The following PAK2 variants were observed in gnomAD, a reference collection of about 807,000 sequenced individuals.
PAK2 encodes the protein p21 (RAC1) activated kinase 2.
PAK2 carries 21 observed loss-of-function variants against 65.9 expected under a neutral mutation model. The observed-to-expected ratio is 0.32, with a 90% confidence interval of 0.23 to 0.46. The LOEUF is 0.46. PAK2 is among the 20% of genes least tolerant of loss of function. The pLI, the probability that PAK2 is intolerant of heterozygous loss-of-function variation, is 1.00. For missense variants in PAK2, 324 were observed against 642.6 expected (o/e 0.50, Z 5.36); for synonymous variants, 204 against 219.7 (o/e 0.93, Z 0.63).
chr3:196,819,388 G>A (rs565382471), intron 12 of PAK2, among the ~76,000 whole-genome samples: 46 of 152,270 alleles, frequency 3.0e-4, no homozygotes, highest in African/African-American at 1.0e-3. Context: ...GTTGCCGTGA[G>A]CCGAAATTGC....
In PAK2 at chr3:196,807,926, ACATTTTACAT is replaced by A. The variant is rs1560111883; in HGVS notation, c.709+17_709+26del. On this transcript the variant is annotated intron_variant, in intron 7 of 14. Transcript: ENST00000327134. Reference sequence around the variant, plus strand: ...TATGGAGAAATTAAGTATGTTATCTACATTTTACATCATTGTTAAATTGTTCACGGCTCTT... The same window carrying A: ...TATGGAGAAATTAAGTATGTTATCTACATTGTTAAATTGTTCACGGCTCTT... The A allele has an allele frequency of 6.3e-7, 1 of 1,585,794 alleles. No individual in the cohort carries two copies. The highest frequency in any genetic ancestry group is 8.6e-7 in the Non-Finnish European group (1 of 1,157,040).
At chr3:196,776,364 G>C (rs571649260) in intron 1 of PAK2, among the ~76,000 whole-genome samples, 1 of 152,300 alleles carries the variant, frequency 6.6e-6, no homozygotes, top group African/African-American at 2.4e-5. Context: ...CGTTGTCTTG[G>C]AGATAACCAC....
rs1456873004 is a variant in PAK2, at chr3:196,820,216, A to G, written c.1154-155A>G. Among the ~76,000 whole-genome samples the G allele has an allele frequency of 6.6e-6, 1 of 152,214 alleles. No homozygotes were observed. Among genetic ancestry groups the G allele is most frequent in the East Asian group, 1.9e-4 (1 of 5,204 alleles). On this transcript the variant is annotated intron_variant, in intron 12 of 14. Transcript: ENST00000327134. This position sits in a 1 kb window ranked among gnomAD's most constrained non-coding sequence, Gnocchi z 4.6. ...TGTGAGAGTGTGTTACATCATGAAAATATTTTTAAACTCATTCTGGTTTAC... is the reference window on the plus strand; with the variant it reads ...TGTGAGAGTGTGTTACATCATGAAAGTATTTTTAAACTCATTCTGGTTTAC...
At position 196,828,550 on chromosome 3, in the gene PAK2, C is replaced by T; in HGVS notation, c.*145C>T. 3 of 640,314 alleles carry T rather than the reference C, an allele frequency of 4.7e-6. No homozygotes were observed. Among genetic ancestry groups the T allele is most frequent in the Admixed American group, 3.3e-5 (1 of 30,428 alleles). The allele number at this position is 640,314 out of a possible 1,614,324, so 39.7% of individuals were successfully genotyped here. On this transcript the variant is annotated 3_prime_UTR_variant, in exon 15 of 15. Transcript: ENST00000327134. Reference sequence around the variant, plus strand: ...GCAAATGACTATTCTCTGAAGACAACCAAGAGAAAATTGCAAAAAGACAAG... The same window carrying T: ...GCAAATGACTATTCTCTGAAGACAATCAAGAGAAAATTGCAAAAAGACAAG...
rs1430933031 is a variant in PAK2 at position 196,821,269 on chromosome 3, G to A, written c.1350+702G>A. ...TTGAACCCAGGAGGTGGCAGTTGCG[G>A]TGAGCCAAGATAGCACTACTGCACT... On this transcript the variant is annotated intron_variant, in intron 13 of 14. Coordinates refer to ENST00000327134, the MANE Select transcript of PAK2 (RefSeq NM_002577.4). Among the ~76,000 whole-genome samples the A allele has an allele frequency of 2.0e-5, 3 of 152,052 alleles. No homozygotes were observed. The East Asian group carries it at 5.8e-4, about 29-fold the overall frequency.
intron 1 of PAK2, among the ~76,000 whole-genome samples, chr3:196,744,932 C>G (rs200184083): frequency 6.8e-6 from 1 of 147,160 alleles, no homozygotes; most frequent in Non-Finnish European, 1.5e-5. Flanking sequence ...TTTCTTTTTT[C>G]TTTTTTTTTT....
chr3:196,810,055 A>C (rs7622561), intron 7 of PAK2, among the ~76,000 whole-genome samples: 1 of 151,850 alleles, frequency 6.6e-6, no homozygotes, highest in East Asian at 1.9e-4. Context: ...TGAAAGATGA[A>C]ATGTATACTG....
chr3:196,769,807 ACT>A (rs931560720), intron 1 of PAK2, among the ~76,000 whole-genome samples: 4 of 151,556 alleles, frequency 2.6e-5, no homozygotes, highest in African/African-American at 9.7e-5. Flanking sequence ...ACAGAGCGAG[ACT>A]CTGTCTCAAA....
At chr3:196,795,883 C>T (rs1715243297) in intron 2 of PAK2, among the ~76,000 whole-genome samples, 1 of 152,194 alleles carries the variant, frequency 6.6e-6, no homozygotes, top group Non-Finnish European at 1.5e-5. Flanking sequence ...ACCTTTTTGG[C>T]ACCCGGGATT....
intron 1 of PAK2, among the ~76,000 whole-genome samples, chr3:196,748,923 A>G (rs909759197): frequency 1.3e-5 from 2 of 152,206 alleles, no homozygotes; most frequent in African/African-American, 4.8e-5. Context: ...CTGAAATTCT[A>G]TACCCATTGA....
At chr3:196,764,413 C>T (rs1454609507) in intron 1 of PAK2, among the ~76,000 whole-genome samples, 1 of 151,826 alleles carries the variant, frequency 6.6e-6, no homozygotes, top group Non-Finnish European at 1.5e-5. Context: ...GTCAGGAGTT[C>T]AAGACCAGCC....
intron 1 of PAK2, among the ~76,000 whole-genome samples, chr3:196,752,034 C>T (rs892044253): frequency 3.3e-5 from 5 of 152,036 alleles, no homozygotes; most frequent in Non-Finnish European, 7.4e-5. Context: ...TGAGCCACCA[C>T]ACCCAGCCAC....
intron 11 of PAK2, among the ~76,000 whole-genome samples, chr3:196,815,124 G>A (rs532881552): frequency 1.0e-4 from 15 of 150,228 alleles, no homozygotes; most frequent in South Asian, 8.4e-4. Flanking sequence ...AGCTTGCAGT[G>A]AGCCGAGATC....
chr3:196,806,437 G>A, intron 5 of PAK2, 142 bp from the exon 6 acceptor site: 1 of 580,230 alleles, frequency 1.7e-6, no homozygotes, highest in East Asian at 2.9e-5. Context: ...ATTCTATTGA[G>A]TTATCTAAGA....
intron 13 of PAK2, among the ~76,000 whole-genome samples, chr3:196,824,659 C>T (rs542187473): frequency 6.6e-5 from 10 of 151,984 alleles, no homozygotes; most frequent in African/African-American, 1.4e-4. Context: ...ATTATAATGG[C>T]GGACACTGGA....
At chr3:196,792,034 G>T (rs1192867568) in intron 2 of PAK2, among the ~76,000 whole-genome samples, 1 of 152,202 alleles carries the variant, frequency 6.6e-6, no homozygotes, top group Non-Finnish European at 1.5e-5. Context: ...TCAGGTGGCT[G>T]CCCCTGCACC....
chr3:196,827,099 T>C, intron 13 of PAK2, 97 bp from the exon 14 acceptor site: 1 of 667,390 alleles, frequency 1.5e-6, no homozygotes, highest in South Asian at 2.9e-5. Context: ...TTATGGTGAT[T>C]TTCTTTAAAG....
chr3:196,781,784 G>A (rs760552382), intron 1 of PAK2, among the ~76,000 whole-genome samples: 7 of 151,926 alleles, frequency 4.6e-5, no homozygotes, highest in Non-Finnish European at 7.4e-5. Flanking sequence ...CCTGGGCAAC[G>A]TAGTGAAACC....
At chr3:196,825,264 G>T (rs1711810621) in intron 13 of PAK2, among the ~76,000 whole-genome samples, 4 of 151,886 alleles carry the variant, frequency 2.6e-5, no homozygotes, top group East Asian at 3.9e-4. Context: ...AAGAATTGCT[G>T]GAACCCGGGA....
Sources: allele counts gnomAD v4.1 joint callset (sites outside exome capture counted in the v4.1 genomes callset), GRCh38; gene constraint gnomAD v4.1.1; non-coding constraint Gnocchi (gnomAD v3.1); transcripts MANE v1.5; gene names NCBI Gene and HGNC (gene_info 2026-07-23, HGNC 2026-07-21).